CCDC172: variants seen among roughly 807,000 people sequenced by gnomAD.
CCDC172 encodes coiled-coil domain containing 172.
Under a neutral mutation model 38.0 loss-of-function variants are expected in CCDC172, and 30 were observed. The ratio of observed to expected loss-of-function variants is 0.79; its 90% CI spans 0.59 to 1.07. The LOEUF is 1.07. Ranked by LOEUF, CCDC172 falls within the 50% of genes least tolerant of loss-of-function variation. The pLI is 0.00. For missense variants in CCDC172, 297 were observed against 290.1 expected (o/e 1.02, Z -0.17); for synonymous variants, 78 against 88.3 (o/e 0.88, Z 0.66).
chr10:116,342,083 G>A lies in CCDC172; in HGVS notation c.330G>A (p.Lys110=). 1 of 1,536,624 alleles carries A rather than the reference G, an allele frequency of 6.5e-7. No individual in the cohort carries two copies. ...QMIEEEDKFI[K]EITDFNNDYE... is the part of the protein sequence containing the mutation. ...TAGAGGAGGAAGACAAATTTATTAA[G>A]GAAATTACAGACTTTAATAATGATT... Residue 110 remains lysine (K), a synonymous_variant, in exon 5 of 9, where the codon AAG becomes AAA. Coordinates refer to ENST00000333254, the MANE Select transcript of CCDC172 (RefSeq NM_198515.3).
rs1844801088 is a variant in CCDC172 at position 116,342,033 on chromosome 10, CAGG to C, written c.284_286del (p.Glu95del). ...TATTTGATCTTTTATTTATGTTTTT[CAGG>C]AGGCTATAAAGAAACAAATGATAGA... is the stretch of plus-strand genomic sequence containing the variant. On this transcript the variant is annotated splice_acceptor_variant and coding_sequence_variant, in exon 5 of 9. Coordinates refer to ENST00000333254, the MANE Select transcript of CCDC172 (RefSeq NM_198515.3). LOFTEE classifies it high-confidence loss of function. The C allele has an allele frequency of 6.8e-7, 1 of 1,471,024 alleles. No individual in the cohort carries two copies. Among genetic ancestry groups the C allele is most frequent in the African/African-American group, 1.5e-5 (1 of 67,184 alleles). 91.1% of individuals were successfully genotyped at this position (1,471,024 alleles called of 1,614,324 possible).
chr10:116,377,008 A>C (rs2134974862), intron 7 of CCDC172, among the ~76,000 whole-genome samples: 1 of 152,130 alleles, frequency 6.6e-6, no homozygotes, highest in Middle Eastern at 3.4e-3. Flanking sequence ...AAAAAGAAAA[A>C]CCGAAAATAC....
chr10:116,328,602 T>A (rs1002276325), intron 3 of CCDC172, among the ~76,000 whole-genome samples: 9 of 152,154 alleles, frequency 5.9e-5, no homozygotes, highest in Non-Finnish European at 8.8e-5. Flanking sequence ...ATTTTGTGAA[T>A]ATTTTGTTTA....
chr10:116,343,859 C>G (rs1020985571), intron 5 of CCDC172, among the ~76,000 whole-genome samples: 1 of 152,126 alleles, frequency 6.6e-6, no homozygotes, highest in African/African-American at 2.4e-5. Flanking sequence ...GAGGCATCAC[C>G]TTGGATTTTT....
chr10:116,372,018 T>TG (rs1845191359), intron 7 of CCDC172, among the ~76,000 whole-genome samples: 1 of 152,084 alleles, frequency 6.6e-6, no homozygotes, highest in African/African-American at 2.4e-5. Flanking sequence ...TTAGGCACCC[T>TG]TTTTCCTTTC....
chr10:116,337,110 C>G (rs1187163770), intron 3 of CCDC172, among the ~76,000 whole-genome samples: 2 of 150,966 alleles, frequency 1.3e-5, no homozygotes, highest in African/African-American at 4.9e-5. Context: ...TAGAATTTTC[C>G]AAAACAGCAG....
At chr10:116,376,139 G>C (rs1845241322) in intron 7 of CCDC172, among the ~76,000 whole-genome samples, 1 of 152,198 alleles carries the variant, frequency 6.6e-6, no homozygotes, top group African/African-American at 2.4e-5. Context: ...GTCCATCAAT[G>C]ATGGGCATTT....
In CCDC172 at chr10:116,324,462, T is replaced by A. The variant is rs998010282; in HGVS notation, c.-217T>A. On this transcript the variant is annotated 5_prime_UTR_variant, in exon 1 of 9. Transcript: ENST00000333254. ...CGACCTGAAGCACTGGCTCCAGCCT[T>A]AGGGAAGGTTTTGGCCGTGGGTTTT... The A allele has an allele frequency of 6.5e-6, 1 of 153,472 alleles. No individual in the cohort carries two copies. The highest frequency in any genetic ancestry group is 1.4e-5 in the Non-Finnish European group (1 of 69,038). 9.5% of individuals were successfully genotyped at this position (153,472 alleles called of 1,614,324 possible).
chr10:116,329,283 T>TAGCTC (rs1313265172), intron 3 of CCDC172, among the ~76,000 whole-genome samples: 1 of 152,146 alleles, frequency 6.6e-6, no homozygotes, highest in Non-Finnish European at 1.5e-5. Flanking sequence ...CATTGTCCAG[T>TAGCTC]AGCTCACCTT....
chr10:116,342,071 C>T lies in CCDC172; in HGVS notation c.318C>T (p.Asp106=), dbSNP rs370853531. 1.3e-6 allele frequency: 2 copies of T among 1,531,078 alleles called. No homozygotes were observed. The highest frequency in any genetic ancestry group is 1.4e-5 in the African/African-American group (1 of 69,160). 94.8% of individuals were successfully genotyped at this position (1,531,078 alleles called of 1,614,324 possible). A position where few individuals can be genotyped will look rare whatever the true frequency, so the allele number is the denominator to read the frequency against. ...AGAAACAAATGATAGAGGAGGAAGACAAATTTATTAAGGAAATTACAGACT... is the reference window on the plus strand; with the variant it reads ...AGAAACAAATGATAGAGGAGGAAGATAAATTTATTAAGGAAATTACAGACT... ...AIKKQMIEEE[D]KFIKEITDFN... Residue 106 remains aspartate (D), a synonymous_variant, in exon 5 of 9, where the codon GAC becomes GAT. Coordinates refer to ENST00000333254, the MANE Select transcript of CCDC172 (RefSeq NM_198515.3).
intron 5 of CCDC172, among the ~76,000 whole-genome samples, chr10:116,345,044 A>G (rs1306983640): frequency 6.6e-6 from 1 of 152,134 alleles, no homozygotes; most frequent in Non-Finnish European, 1.5e-5. Context: ...ATGACTTACA[A>G]AATCAAAACA....
intron 7 of CCDC172, among the ~76,000 whole-genome samples, chr10:116,369,432 T>G (rs1845160710): frequency 6.6e-6 from 1 of 152,020 alleles, no homozygotes. Context: ...AATTATATAT[T>G]CTCATATCCC....
At chr10:116,372,658 G>C (rs1025944158) in intron 7 of CCDC172, among the ~76,000 whole-genome samples, 2 of 151,980 alleles carry the variant, frequency 1.3e-5, no homozygotes, top group Admixed American at 1.3e-4. Flanking sequence ...AAATACTTTA[G>C]AGCACAGATA....
At chr10:116,332,919 TGC>T (rs1844683060) in intron 3 of CCDC172, among the ~76,000 whole-genome samples, 1 of 152,136 alleles carries the variant, frequency 6.6e-6, no homozygotes, top group Non-Finnish European at 1.5e-5. Context: ...TTCTATTTTT[TGC>T]AGTATTAGTT....
chr10:116,369,004 C>A (rs1845156540), intron 7 of CCDC172, among the ~76,000 whole-genome samples: 1 of 151,982 alleles, frequency 6.6e-6, no homozygotes, highest in Non-Finnish European at 1.5e-5. Context: ...CCCCCACTAA[C>A]AACAAGCCTA....
intron 7 of CCDC172, among the ~76,000 whole-genome samples, chr10:116,360,057 A>G (rs1428080300): frequency 6.6e-6 from 1 of 152,182 alleles, no homozygotes; most frequent in African/African-American, 2.4e-5. Flanking sequence ...TATAAATATC[A>G]AGATGTTTGT....
intron 7 of CCDC172, among the ~76,000 whole-genome samples, chr10:116,372,250 T>G (rs1033454679): frequency 5.9e-5 from 9 of 152,148 alleles, no homozygotes; most frequent in Admixed American, 1.3e-4. Context: ...TAAACATTTT[T>G]AATTAAAAAA....
chr10:116,349,914 A>G (rs574387715), intron 5 of CCDC172, among the ~76,000 whole-genome samples: 38 of 152,300 alleles, frequency 2.5e-4, no homozygotes, highest in African/African-American at 7.5e-4. Flanking sequence ...AAGCCTCATT[A>G]ATAAGGCGAG....
intron 3 of CCDC172, 61 bp downstream of exon 3, chr10:116,325,449 G>T (rs1008572278): frequency 4.5e-6 from 6 of 1,326,738 alleles, no homozygotes; most frequent in South Asian, 1.3e-5. Context: ...CTTGACTTTT[G>T]GGGGATATTT....
Sources: gnomAD v4.1 joint callset for allele counts (sites outside exome capture counted in the v4.1 genomes callset) on GRCh38, gnomAD v4.1.1 for gene constraint, MANE v1.5 for transcripts, NCBI Gene and HGNC (gene_info 2026-07-23, HGNC 2026-07-21) for gene names.